LHX4: variants seen among roughly 807,000 people sequenced by gnomAD.
The protein encoded by LHX4 is LIM homeobox 4, also known as LIM/homeobox protein Lhx4.
In LHX4, 16 loss-of-function variants were observed where a neutral mutation model predicts 39.2. The observed-to-expected ratio is 0.41, with a 90% CI of 0.28 to 0.62. LHX4 has a LOEUF of 0.62. Ranked by LOEUF, LHX4 falls within the 20% of genes least tolerant of loss-of-function variation. LHX4 has a pLI of 0.33. For missense variants in LHX4, 439 were observed against 511.9 expected (o/e 0.86, Z 1.37); for synonymous variants, 206 against 198.1 (o/e 1.04, Z -0.33).
At chr1:180,245,784 G>A (rs1354888547) in intron 1 of LHX4, among the ~76,000 whole-genome samples, 1 of 142,288 alleles carries the variant, frequency 7.0e-6, no homozygotes, top group Non-Finnish European at 1.6e-5. Context: ...GAGGCAGAGA[G>A]AGGCTAAGTC....
At position 180,277,878 on chromosome 1, in the gene LHX4, G is replaced by GA; in HGVS notation, c.*3299_*3300insA. Reference sequence around the variant, plus strand: ...TTGGCAGTGTCCTTAAACTTTTTTTGGGGGGGGGCAGTGTAAAACATGAAA... The same window carrying GA: ...TTGGCAGTGTCCTTAAACTTTTTTTGAGGGGGGGGCAGTGTAAAACATGAAA... On this transcript the variant is annotated 3_prime_UTR_variant, in exon 6 of 6. Coordinates refer to ENST00000263726, the MANE Select transcript of LHX4 (RefSeq NM_033343.4). 1.1e-4 allele frequency: 1 copy of GA among 9,470 alleles called. No homozygotes were observed. Among genetic ancestry groups the GA allele is most frequent in the East Asian group, 0.083 (1 of 12 alleles). 0.6% of individuals were successfully genotyped at this position (9,470 alleles called of 1,614,324 possible).
intron 2 of LHX4, among the ~76,000 whole-genome samples, chr1:180,259,680 C>T (rs1002317231): frequency 4.6e-5 from 7 of 151,552 alleles, no homozygotes; most frequent in African/African-American, 9.8e-5. Flanking sequence ...TGTGGATGCC[C>T]GTGCTGGGGT....
rs547988090 is a variant in LHX4, at chr1:180,230,409, T to G, written c.-121T>G. On this transcript the variant is annotated 5_prime_UTR_variant, in exon 1 of 6. Coordinates refer to ENST00000263726, the MANE Select transcript of LHX4 (RefSeq NM_033343.4). The surrounding 1 kb of genome is among the most constrained non-coding windows in gnomAD (Gnocchi z 5.8). Reference sequence around the variant, plus strand: ...TCCCTGAGAAGCGGAGGGCCCGGCTTCCACCGTGACTCCAGCGGCCTGCTT... The same window carrying G: ...TCCCTGAGAAGCGGAGGGCCCGGCTGCCACCGTGACTCCAGCGGCCTGCTT... The G allele has an allele frequency of 5.2e-5, 44 of 848,288 alleles. No individual in the cohort carries two copies. The African/African-American group carries it at 5.9e-4, about 11-fold the overall frequency. 52.5% of individuals were successfully genotyped at this position (848,288 alleles called of 1,614,324 possible).
intron 5 of LHX4, 132 bp downstream of exon 5, chr1:180,272,138 C>T: frequency 1.3e-6 from 1 of 781,102 alleles, no homozygotes; most frequent in Non-Finnish European, 2.0e-6. Flanking sequence ...TTCCTTAAGA[C>T]TTGCAGTGAA....
chr1:180,256,901 C>T (rs74680593), intron 2 of LHX4, among the ~76,000 whole-genome samples: 9,671 of 152,280 alleles, frequency 0.064, 396 homozygotes, highest in Non-Finnish European at 0.091. Flanking sequence ...GCTGACTGCT[C>T]CAAGCCTGTG....
At chr1:180,259,669 CTG>C (rs1171127615) in intron 2 of LHX4, among the ~76,000 whole-genome samples, 1 of 151,540 alleles carries the variant, frequency 6.6e-6, no homozygotes, top group Non-Finnish European at 1.5e-5. Context: ...TTTCCTGGCT[CTG>C]TGGATGCCCG....
intron 2 of LHX4, among the ~76,000 whole-genome samples, chr1:180,260,783 C>T (rs1378426980): frequency 6.6e-6 from 1 of 151,848 alleles, no homozygotes; most frequent in African/African-American, 2.4e-5. Context: ...TCTCCTCGAG[C>T]TCCAGCCTAG....
At position 180,277,796 on chromosome 1, in the gene LHX4, A is replaced by G. The variant is rs922871202; in HGVS notation, c.*3217A>G. 6.6e-6 allele frequency: 1 copy of G among 152,080 alleles called. No homozygotes were observed. Among genetic ancestry groups the G allele is most frequent in the African/African-American group, 2.4e-5 (1 of 41,416 alleles). The allele number at this position is 152,080 out of a possible 1,614,324, so 9.4% of individuals were successfully genotyped here. On this transcript the variant is annotated 3_prime_UTR_variant, in exon 6 of 6. Transcript: ENST00000263726. ...TATCATTGATAACACTGTTCCTGCA[A>G]ATGAATACTGTGAAACATCAGGGAA...
At chr1:180,267,032 G>C (rs1003364139) in intron 3 of LHX4, among the ~76,000 whole-genome samples, 1 of 152,048 alleles carries the variant, frequency 6.6e-6, no homozygotes, top group African/African-American at 2.4e-5. Context: ...AAAGGCCGTC[G>C]GTGAGAGCCC....
intron 1 of LHX4, among the ~76,000 whole-genome samples, chr1:180,233,177 G>A (rs2149251324): frequency 6.6e-6 from 1 of 152,340 alleles, no homozygotes; most frequent in South Asian, 2.1e-4. Flanking sequence ...ATACCCTTTA[G>A]GAAAACGTTT....
intron 2 of LHX4, among the ~76,000 whole-genome samples, chr1:180,256,656 G>A (rs959913862): frequency 1.3e-5 from 2 of 152,350 alleles, no homozygotes; most frequent in Non-Finnish European, 2.9e-5. Context: ...AGTGGTCTGT[G>A]CCACCGCTGC....
chr1:180,238,819 A>T (rs1201939303), intron 1 of LHX4, among the ~76,000 whole-genome samples: 1 of 152,232 alleles, frequency 6.6e-6, no homozygotes, highest in East Asian at 1.9e-4. Context: ...AATGTTCTTT[A>T]ATGACAAAGA....
chr1:180,253,718 G>C (rs914993034), intron 2 of LHX4, among the ~76,000 whole-genome samples: 5 of 152,212 alleles, frequency 3.3e-5, no homozygotes, highest in Non-Finnish European at 7.3e-5. Context: ...AGAATGCTAG[G>C]TGCTTTGTAA....
intron 3 of LHX4, chr1:180,270,003 C>T (rs985705462): frequency 6.6e-6 from 1 of 152,262 alleles, no homozygotes; most frequent in East Asian, 1.9e-4. Flanking sequence ...TGTGTCCCCC[C>T]TCACTGTGTA....
chr1:180,271,275 A>G, intron 3 of LHX4, 105 bp from the exon 4 acceptor site: 1 of 1,294,910 alleles, frequency 7.7e-7, no homozygotes, highest in Admixed American at 1.7e-5. Flanking sequence ...TGTCCTGCCT[A>G]CAGCAGGCAG....
At chr1:180,245,002 G>A (rs1334985466) in intron 1 of LHX4, among the ~76,000 whole-genome samples, 2 of 152,222 alleles carry the variant, frequency 1.3e-5, no homozygotes, top group Non-Finnish European at 2.9e-5. Flanking sequence ...CTGCCCTGTG[G>A]CACACAGCAG....
rs1648933364 is a variant in LHX4 at position 180,274,893 on chromosome 1, C to T, written c.*314C>T. The T allele has an allele frequency of 1.1e-5, 3 of 267,560 alleles. No homozygotes were observed. The allele number at this position is 267,560 out of a possible 1,614,324, so 16.6% of individuals were successfully genotyped here. ...GCTTGGCTGCTCAGTGCTTTGGTAG[C>T]ACAAGGTGACTGTGATAGGCCCCCT... On this transcript the variant is annotated 3_prime_UTR_variant, in exon 6 of 6. Coordinates refer to ENST00000263726, the MANE Select transcript of LHX4 (RefSeq NM_033343.4).
chr1:180,253,545 G>A (rs974452141), intron 2 of LHX4, among the ~76,000 whole-genome samples: 1 of 152,230 alleles, frequency 6.6e-6, no homozygotes, highest in African/African-American at 2.4e-5. Context: ...TTTTCCTTTT[G>A]GTGAACCCAA....
chr1:180,229,961 G>GAGGCGGGGGGGGCGGGGGGGGC (rs1238008078), upstream of LHX4, among the ~76,000 whole-genome samples: 1,089 of 48,060 alleles, frequency 0.023, 63 homozygotes, highest in Non-Finnish European at 0.029. Flanking sequence ...GGCGGAGGCG[G>GAGGCGGGGGGGGCGGGGGGGGC]GGAGGGGGGG....
Sources: gnomAD v4.1 joint callset for allele counts (sites outside exome capture counted in the v4.1 genomes callset) on GRCh38, gnomAD v4.1.1 for gene constraint, Gnocchi (gnomAD v3.1) non-coding constraint, MANE v1.5 for transcripts, NCBI Gene and HGNC (gene_info 2026-07-23, HGNC 2026-07-21) for gene names.